The following EIF2B2 variants were observed in gnomAD, a reference collection of about 807,000 sequenced individuals.
EIF2B2 encodes eukaryotic translation initiation factor 2B subunit beta, also known as translation initiation factor eIF2B subunit beta.
Under a neutral mutation model 34.7 loss-of-function variants are expected in EIF2B2, and 34 were observed. That is an observed-to-expected ratio of 0.98 (90% CI 0.75 to 1.31). EIF2B2 has a LOEUF of 1.31. Ranked by LOEUF, EIF2B2 falls within the 50% of genes most tolerant of loss-of-function variation. The probability of loss-of-function intolerance (pLI) is 0.00; values close to 1 mark genes in which losing one functional copy is unlikely to be tolerated. For synonymous variants in EIF2B2, 155 were observed against 171.6 expected (o/e 0.90, Z 0.76); for missense variants, 361 against 447.7 (o/e 0.81, Z 1.75).
At chr14:75,004,683 ATATATATTTTTTT>A (rs1889593916) in intron 3 of EIF2B2, 41 bp from the exon 4 acceptor site, 1 of 146,596 alleles carries the variant, frequency 6.8e-6, no homozygotes, top group African/African-American at 2.0e-4. Context: ...ATATATATAT[ATATATATTTTTTT>A]TTTTTTTTTT....
In EIF2B2 at chr14:75,009,068, G is replaced by A; in HGVS notation, c.936G>A (p.Val312=). Residue 312 remains valine (V), a synonymous_variant, in exon 8 of 8, where the codon GTG becomes GTA. Coordinates refer to ENST00000266126, the MANE Select transcript of EIF2B2 (RefSeq NM_014239.4). ...AGAAGGTCAGCGTGCATTGCCCTGT[G>A]TTTGACTACGTTCCCCCAGAGCTCA... ...ILEKVSVHCP[V]FDYVPPELIT... 1 of 1,614,104 alleles carries A rather than the reference G, an allele frequency of 6.2e-7. No homozygotes were observed.
rs374771844 is a variant in EIF2B2, at chr14:75,002,980, C to A, written c.-11C>A. On this transcript the variant is annotated 5_prime_UTR_variant, in exon 1 of 8. Transcript: ENST00000266126. ...TTCCGCCGGTGAAGGCTGAAGGCAG[C>A]TACCTTAAAGATGCCGGGATCCGCA... The A allele has an allele frequency of 6.2e-7, 1 of 1,613,836 alleles. No individual in the cohort carries two copies. The highest frequency in any genetic ancestry group is 8.5e-7 in the Non-Finnish European group (1 of 1,180,016).
rs769894290 is a variant in EIF2B2, at chr14:75,003,532, G to A, written c.285-19G>A. ...CCACTCCTCCCCACCTCTCTCTTTG[G>A]GTCTTGTTGCCTCTATAGACTCCAT... On this transcript the variant is annotated intron_variant, in intron 2 of 7. Transcript: ENST00000266126. 5.5e-5 allele frequency: 89 copies of A among 1,613,938 alleles called. No homozygotes were observed. Among genetic ancestry groups the A allele is most frequent in the Non-Finnish European group, 7.3e-5 (86 of 1,180,032 alleles).
At position 75,003,653 on chromosome 14, in the gene EIF2B2, C is replaced by G. The variant is rs1330675759; in HGVS notation, c.387C>G (p.Leu129=). Residue 129 remains leucine (L), a synonymous_variant, in exon 3 of 8, where the codon CTC becomes CTG. Coordinates refer to ENST00000266126, the MANE Select transcript of EIF2B2 (RefSeq NM_014239.4). ...NEDFSFHYAQ[L]QSNIIEAINE... is the part of the protein sequence containing the mutation. ...ATTTCAGCTTCCATTATGCCCAACT[C>G]CAGTCCAACATCATTGAGGCGATTA... 4 of 1,614,190 alleles carry G rather than the reference C, an allele frequency of 2.5e-6. No individual in the cohort carries two copies. Among genetic ancestry groups the G allele is most frequent in the Admixed American group, 1.7e-5 (1 of 60,034 alleles).
Position 75,012,029 on chromosome 14 carries a change from C to A in EIF2B2, c.*2841C>A, listed in dbSNP as rs1889712348. 1 of 152,176 alleles carries A rather than the reference C, an allele frequency of 6.6e-6. No individual in the cohort carries two copies. 9.4% of individuals were successfully genotyped at this position (152,176 alleles called of 1,614,324 possible). A position where few individuals can be genotyped will look rare whatever the true frequency, so the allele number is the denominator to read the frequency against. Reference sequence around the variant, plus strand: ...TAGAACAGAACTGCAGGAATGCATACTTTTTAGAATCTTTATGACCCCAAT... The same window carrying A: ...TAGAACAGAACTGCAGGAATGCATAATTTTTAGAATCTTTATGACCCCAAT... On this transcript the variant is annotated 3_prime_UTR_variant, in exon 8 of 8. Coordinates refer to ENST00000266126, the MANE Select transcript of EIF2B2 (RefSeq NM_014239.4).
intron 6 of EIF2B2, chr14:75,007,327 T>G (rs1889641615): frequency 2.9e-6 from 1 of 348,422 alleles, no homozygotes; most frequent in South Asian, 2.3e-5. Flanking sequence ...CATTAAGTAA[T>G]CTCTCCCTAT....
At position 75,006,379 on chromosome 14, in the gene EIF2B2, C is replaced by G; in HGVS notation, c.694-198C>G. 4.1e-6 allele frequency: 3 copies of G among 738,488 alleles called. No homozygotes were observed. Among genetic ancestry groups the G allele is most frequent in the Non-Finnish European group, 6.5e-6 (3 of 461,296 alleles). 45.7% of individuals were successfully genotyped at this position (738,488 alleles called of 1,614,324 possible). ...GCAGTAGGTTTTGCAGTTTCTTGTC[C>G]CATTTTACATTCATTCTTTCCTTGG... is the stretch of plus-strand genomic sequence containing the variant. On this transcript the variant is annotated intron_variant, in intron 5 of 7. Coordinates refer to ENST00000266126, the MANE Select transcript of EIF2B2 (RefSeq NM_014239.4). The surrounding 1 kb of genome is among the most constrained non-coding windows in gnomAD (Gnocchi z 4.1).
chr14:75,003,812 C>T, intron 3 of EIF2B2, 113 bp downstream of exon 3: 2 of 1,482,096 alleles, frequency 1.3e-6, no homozygotes, highest in South Asian at 1.2e-5. Context: ...TTCTGGTTCT[C>T]AGAGGTTTGT....
At chr14:75,008,980 A>T in intron 7 of EIF2B2, 51 bp from the exon 8 acceptor site, 2 of 1,612,440 alleles carry the variant, frequency 1.2e-6, no homozygotes, top group Non-Finnish European at 1.7e-6. Flanking sequence ...CTACTTAATT[A>T]TGAGAGAGGG....
At chr14:75,004,130 A>T (rs175042) in intron 3 of EIF2B2, among the ~76,000 whole-genome samples, 66,593 of 152,034 alleles carry the variant, frequency 0.44, 14,991 homozygotes, top group Middle Eastern at 0.52. Flanking sequence ...AGCTGCTTCC[A>T]AATTGCTCCC....
rs1889668868 is a variant in EIF2B2 at position 75,009,134 on chromosome 14, C to T, written c.1002C>T (p.Ser334=). The T allele has an allele frequency of 6.2e-7, 1 of 1,614,054 alleles. No homozygotes were observed. The change falls in exon 8 of 8, where the codon TCC becomes TCT. Residue 334 remains serine, a synonymous_variant. Transcript: ENST00000266126. The stretch of plus-strand genomic sequence containing the variant: ...CCAACATTGGTGGGAATGCACCTTC[C>T]TACATCTACCGCCTGATGAGTGAAC... ...FISNIGGNAP[S]YIYRLMSELY... is the part of the protein sequence containing the mutation.
At position 75,010,148 on chromosome 14, in the gene EIF2B2, C is replaced by CG. The variant is rs1454721431; in HGVS notation, c.*960_*961insG. The CG allele has an allele frequency of 6.6e-6, 1 of 152,212 alleles. No individual in the cohort carries two copies. Among genetic ancestry groups the CG allele is most frequent in the Non-Finnish European group, 1.5e-5 (1 of 68,054 alleles). 9.4% of individuals were successfully genotyped at this position (152,212 alleles called of 1,614,324 possible). On this transcript the variant is annotated 3_prime_UTR_variant, in exon 8 of 8. Coordinates refer to ENST00000266126, the MANE Select transcript of EIF2B2 (RefSeq NM_014239.4). ...TCACCTGAGAGTGATTCCGATCACT[C>CG]ACTCACACAGTCTTGGGTTTCATCT...
intron 3 of EIF2B2, 36 bp from the exon 4 acceptor site, chr14:75,004,687 ATATTTTTTTTTTTT>A: frequency 9.3e-6 from 1 of 107,440 alleles, no homozygotes; most frequent in Non-Finnish European, 1.3e-5. Flanking sequence ...ATATATATAT[ATATTTTTTTTTTTT>A]TTTTTTTTTT....
Position 75,006,576 on chromosome 14 carries a change from G to C in EIF2B2, c.694-1G>C, listed in dbSNP as rs1286508111. 3 of 1,613,922 alleles carry C rather than the reference G, an allele frequency of 1.9e-6. No homozygotes were observed. The highest frequency in any genetic ancestry group is 1.7e-5 in the Admixed American group (1 of 60,022). The stretch of plus-strand genomic sequence containing the variant: ...CTCACATTTTTTGTCTTGTCCCAAA[G>C]GTGATCATTGGCACGAAGACCATCC... On this transcript the variant is annotated splice_acceptor_variant, in intron 5 of 7. Coordinates refer to ENST00000266126, the MANE Select transcript of EIF2B2 (RefSeq NM_014239.4). LOFTEE classifies it high-confidence loss of function. The surrounding 1 kb of genome is among the most constrained non-coding windows in gnomAD (Gnocchi z 4.1).
Position 75,004,869 on chromosome 14 carries a change from T to C in EIF2B2, c.566T>C (p.Val189Ala). ...GCTGCCCGAAAGAGGAAATTCCATG[T>C]CATTGTAGCAGAGTGTGCTCCTTTC... ...KEAARKRKFH[V>A]IVAECAPFCQ... is the part of the protein sequence containing the mutation. Residue 189 changes from valine to alanine, a missense_variant, in exon 4 of 8, where the codon GTC becomes GCC. Val to Ala is a moderately conservative substitution (Grantham distance 64). Coordinates refer to ENST00000266126, the MANE Select transcript of EIF2B2 (RefSeq NM_014239.4). The C allele has an allele frequency of 6.2e-7, 1 of 1,613,008 alleles. No individual in the cohort carries two copies. The highest frequency in any genetic ancestry group is 8.5e-7 in the Non-Finnish European group (1 of 1,179,610).
In EIF2B2 at chr14:75,012,128, CAGAA is replaced by C. The variant is rs958180181; in HGVS notation, c.*2944_*2947del. The C allele has an allele frequency of 6.2e-4, 94 of 152,200 alleles. No homozygotes were observed. The highest frequency in any genetic ancestry group is 2.2e-3 in the African/African-American group (92 of 41,510). The allele number at this position is 152,200 out of a possible 1,614,324, so 9.4% of individuals were successfully genotyped here. ...TCCCTATTTGAGGAGGGGTAAGTAT[CAGAA>C]AGAGAGAACCTGAACTGAACAGGAG... On this transcript the variant is annotated 3_prime_UTR_variant, in exon 8 of 8. Coordinates refer to ENST00000266126, the MANE Select transcript of EIF2B2 (RefSeq NM_014239.4).
chr14:75,003,005 A>C lies in EIF2B2; in HGVS notation c.15A>C (p.Ala5=), dbSNP rs752315506. The C allele has an allele frequency of 5.0e-6, 8 of 1,614,012 alleles. No individual in the cohort carries two copies. The highest frequency in any genetic ancestry group is 5.9e-6 in the Non-Finnish European group (7 of 1,180,036). The part of the protein sequence containing the change: MPGS[A]AKGSELSERI... ...CTACCTTAAAGATGCCGGGATCCGCAGCGAAGGGCTCGGAGTTGTCAGAGA... is the reference window on the plus strand; with the variant it reads ...CTACCTTAAAGATGCCGGGATCCGCCGCGAAGGGCTCGGAGTTGTCAGAGA... Residue 5 remains alanine, a synonymous_variant, in exon 1 of 8, where the codon GCA becomes GCC. Transcript: ENST00000266126.
chr14:75,007,643 A>T, intron 6 of EIF2B2, 79 bp from the exon 7 acceptor site: 1 of 1,207,780 alleles, frequency 8.3e-7, no homozygotes, highest in Admixed American at 1.8e-5. Flanking sequence ...CTGTGTGGAC[A>T]TATGTTTTCA....
Position 75,009,044 on chromosome 14 carries a change from G to T in EIF2B2, c.912G>T (p.Glu304Asp). The T allele has an allele frequency of 6.2e-7, 1 of 1,614,110 alleles. No individual in the cohort carries two copies. Among genetic ancestry groups the T allele is most frequent in the African/African-American group, 1.3e-5 (1 of 75,034 alleles). ...CTTGCCTTTCAGGGGACATTCTGGA[G>T]AAGGTCAGCGTGCATTGCCCTGTGT... Reference protein sequence around the residue: ...VLPFTEGDILEKVSVHCPVFD... With the variant: ...VLPFTEGDILDKVSVHCPVFD... The change falls in exon 8 of 8, where the codon GAG (glutamate) becomes GAT (aspartate). Residue 304 changes from glutamate to aspartate, a missense_variant. By Grantham distance (45) the Glu-to-Asp change is conservative (BLOSUM62 2). Coordinates refer to ENST00000266126, the MANE Select transcript of EIF2B2 (RefSeq NM_014239.4).
Sources: allele counts gnomAD v4.1 joint callset (sites outside exome capture counted in the v4.1 genomes callset), GRCh38; gene constraint gnomAD v4.1.1; non-coding constraint Gnocchi (gnomAD v3.1); transcripts MANE v1.5; gene names NCBI Gene and HGNC (gene_info 2026-07-23, HGNC 2026-07-21).